PRPF4: variants seen among roughly 807,000 people sequenced by gnomAD.
PRPF4 encodes the protein pre-mRNA splicing tri-snRNP complex factor PRPF4.
PRPF4 carries 14 observed loss-of-function variants against 72.2 expected under a neutral mutation model. The observed-to-expected ratio is 0.19, with a 90% confidence interval of 0.13 to 0.30. The LOEUF is 0.30. Ranked by LOEUF, PRPF4 falls within the 10% of genes least tolerant of loss-of-function variation. PRPF4 has a pLI of 1.00. For missense variants in PRPF4, 478 were observed against 653.9 expected (o/e 0.73, Z 2.93); for synonymous variants, 225 against 232.2 (o/e 0.97, Z 0.28).
At chr9:113,288,095 G>A in intron 9 of PRPF4, 80 bp from the exon 10 acceptor site, 1 of 1,318,392 alleles carries the variant, frequency 7.6e-7, no homozygotes, top group Non-Finnish European at 1.1e-6. Context: ...TACAGAATGG[G>A]TATGTCTGCA....
intron 3 of PRPF4, among the ~76,000 whole-genome samples, chr9:113,280,326 T>C (rs1832239787): frequency 6.6e-6 from 1 of 152,184 alleles, no homozygotes; most frequent in African/African-American, 2.4e-5. Context: ...TACTTGCCCT[T>C]GGTGATCAGC....
chr9:113,276,855 G>T (rs936051573), intron 2 of PRPF4, 130 bp downstream of exon 2: 3 of 1,067,358 alleles, frequency 2.8e-6, no homozygotes, highest in Admixed American at 2.5e-5. Flanking sequence ...TCGCTCTGTC[G>T]CCAGGCTGGA....
Position 113,283,423 on chromosome 9 carries a change from A to G in PRPF4, c.595A>G (p.Lys199Glu). ...MKRLEEARLH[K>E]EIPETTRTSQ... ...ACGCTTGGAAGAGGCCCGACTCCAT[A>G]AGGAGATTCCTGAGACAACAAGGAC... Residue 199 changes from lysine (K) to glutamate (E), a missense_variant, in exon 6 of 14, where the codon AAG (lysine) becomes GAG (glutamate). Transcript: ENST00000374198. 1 of 1,614,116 alleles carries G rather than the reference A, an allele frequency of 6.2e-7. No individual in the cohort carries two copies. Among genetic ancestry groups the G allele is most frequent in the Non-Finnish European group, 8.5e-7 (1 of 1,180,010 alleles).
intron 9 of PRPF4, 25 bp downstream of exon 9, chr9:113,286,853 A>C: frequency 6.2e-7 from 1 of 1,613,944 alleles, no homozygotes; most frequent in Middle Eastern, 1.7e-4. Flanking sequence ...TCTGTGGCCC[A>C]TACTGCCATC....
chr9:113,282,515 G>A, intron 3 of PRPF4, 131 bp from the exon 4 acceptor site: 1 of 660,076 alleles, frequency 1.5e-6, no homozygotes, highest in South Asian at 2.4e-5. Context: ...AACAGTGAGA[G>A]AATAGTAAAG....
chr9:113,290,318 A>G, intron 10 of PRPF4, 148 bp from the exon 11 acceptor site: 1 of 1,126,522 alleles, frequency 8.9e-7, no homozygotes, highest in East Asian at 2.5e-5. Flanking sequence ...GTCATTGTTT[A>G]TGTCAGAAAG....
At position 113,282,655 on chromosome 9, in the gene PRPF4, T is replaced by C. The variant is rs1181025296; in HGVS notation, c.402T>C (p.Asn134=). 1 of 1,591,106 alleles carries C rather than the reference T, an allele frequency of 6.3e-7. No homozygotes were observed. The change falls in exon 4 of 14, where the codon AAT becomes AAC. Residue 134 remains asparagine, a synonymous_variant. Transcript: ENST00000374198. ...TTTTTTTTTTTAACAGGTTAAGAAA[T>C]ATCCTCTCAGTTGTCGGTACTGATG... ...GPAERRERLR[N]ILSVVGTDAL... is the part of the protein sequence containing the mutation.
intron 10 of PRPF4, among the ~76,000 whole-genome samples, chr9:113,288,982 A>G (rs1777967441): frequency 6.6e-6 from 1 of 152,180 alleles, no homozygotes; most frequent in African/African-American, 2.4e-5. Context: ...CCTGTGATCG[A>G]CACCTCTGTC....
chr9:113,288,156 A>G lies in PRPF4; in HGVS notation c.933-19A>G, dbSNP rs772802111. The G allele has an allele frequency of 8.1e-6, 13 of 1,611,892 alleles. No individual in the cohort carries two copies. Among genetic ancestry groups the G allele is most frequent in the African/African-American group, 2.7e-5 (2 of 74,866 alleles). On this transcript the variant is annotated intron_variant, in intron 9 of 13. Transcript: ENST00000374198. ...TTTATATGTCTATAAAATTGTTTAT[A>G]TGTTTGGTTCCTTTCCAGTGATGAA...
chr9:113,287,755 T>G (rs546917559), intron 9 of PRPF4, among the ~76,000 whole-genome samples: 1 of 152,344 alleles, frequency 6.6e-6, no homozygotes, highest in South Asian at 2.1e-4. Context: ...TTAATTGCGT[T>G]CCTTAGAGTT....
Position 113,278,952 on chromosome 9 carries a change from G to C in PRPF4, c.213G>C (p.Val71=). The part of the protein sequence containing the change: ...AGNINITSGE[V]FEIEEHISER... ...CTGTTTTCTTTTTAATAGGAGAAGT[G>C]TTTGAAATTGAAGAGCATATCAGCG... The change falls in exon 3 of 14, where the codon GTG becomes GTC. Residue 71 remains valine (V), a synonymous_variant. Transcript: ENST00000374198. 2 of 1,614,164 alleles carry C rather than the reference G, an allele frequency of 1.2e-6. No homozygotes were observed. The highest frequency in any genetic ancestry group is 1.7e-6 in the Non-Finnish European group (2 of 1,180,018).
At chr9:113,277,379 A>G (rs1280879786) in intron 2 of PRPF4, among the ~76,000 whole-genome samples, 1 of 148,724 alleles carries the variant, frequency 6.7e-6, no homozygotes, top group Admixed American at 6.6e-5. Context: ...CCCAAAGTGA[A>G]ATCTTTTTGT....
intron 7 of PRPF4, among the ~76,000 whole-genome samples, chr9:113,285,540 A>G (rs111656445): frequency 0.45 from 66,909 of 150,092 alleles, 16,150 homozygotes; most frequent in African/African-American, 0.62. Context: ...CACCGCACCC[A>G]GCTAATTTTT....
chr9:113,276,410 C>T, intron 1 of PRPF4, 138 bp from the exon 2 acceptor site: 1 of 905,508 alleles, frequency 1.1e-6, no homozygotes, highest in South Asian at 1.5e-5. Context: ...TGAAGAGCGT[C>T]TTAAGTAGTG....
rs1426702376 is a variant in PRPF4, at chr9:113,292,498, G to C, written c.*838G>C. Reference sequence around the variant, plus strand: ...GCAGTAGACCGCAGCCACGCCGATGGTTATACAGTGAAGAAGACTTCACCT... The same window carrying C: ...GCAGTAGACCGCAGCCACGCCGATGCTTATACAGTGAAGAAGACTTCACCT... On this transcript the variant is annotated 3_prime_UTR_variant, in exon 14 of 14. Transcript: ENST00000374198. 1.3e-5 allele frequency: 2 copies of C among 152,236 alleles called. No individual in the cohort carries two copies. The highest frequency in any genetic ancestry group is 4.8e-5 in the African/African-American group (2 of 41,466). The allele number at this position is 152,236 out of a possible 1,614,324, so 9.4% of individuals were successfully genotyped here.
chr9:113,283,332 A>G, intron 5 of PRPF4, 57 bp from the exon 6 acceptor site: 2 of 1,613,254 alleles, frequency 1.2e-6, no homozygotes, highest in South Asian at 1.1e-5. Context: ...GTAGGGATAC[A>G]TGTGGGTCCT....
chr9:113,289,817 A>C (rs572518691), intron 10 of PRPF4, among the ~76,000 whole-genome samples: 1 of 152,322 alleles, frequency 6.6e-6, no homozygotes, highest in African/African-American at 2.4e-5. Context: ...CATCCAATTT[A>C]GGGCCTAGTA....
Position 113,290,967 on chromosome 9 carries a change from C to G in PRPF4, c.1323C>G (p.Val441=), listed in dbSNP as rs1351996865. Reference sequence around the variant, plus strand: ...GGGACCTCCGACAGCGGCGTTGCGTCTACACCATCCCTGCTCATCAGAACT... The same window carrying G: ...GGGACCTCCGACAGCGGCGTTGCGTGTACACCATCCCTGCTCATCAGAACT... ...KVWDLRQRRC[V]YTIPAHQNLV... Residue 441 remains valine, a synonymous_variant, in exon 13 of 14, where the codon GTC becomes GTG. Transcript: ENST00000374198. The G allele has an allele frequency of 1.2e-6, 2 of 1,614,100 alleles. No homozygotes were observed. Among genetic ancestry groups the G allele is most frequent in the East Asian group, 4.5e-5 (2 of 44,902 alleles).
At chr9:113,278,895 C>T (rs1832191016) in intron 2 of PRPF4, 50 bp from the exon 3 acceptor site, 1 of 1,469,808 alleles carries the variant, frequency 6.8e-7, no homozygotes, top group Non-Finnish European at 9.5e-7. Context: ...GAAATTATTT[C>T]TCTCTATTTG....
Sources: gnomAD v4.1 joint callset for allele counts (sites outside exome capture counted in the v4.1 genomes callset) on GRCh38, gnomAD v4.1.1 for gene constraint, MANE v1.5 for transcripts, NCBI Gene and HGNC (gene_info 2026-07-23, HGNC 2026-07-21) for gene names.